The following ANGPT1 variants were observed in gnomAD, a reference collection of about 807,000 sequenced individuals.
The protein encoded by ANGPT1 is angiopoietin-1.
ANGPT1 carries 17 observed loss-of-function variants against 62.2 expected under a neutral mutation model. The ratio of observed to expected loss-of-function variants is 0.27; its 90% CI spans 0.19 to 0.41. The LOEUF is 0.41. Among genes scored for constraint, ANGPT1 ranks in the 10% least tolerant of loss-of-function variants. The pLI is 1.00. For missense variants in ANGPT1, 478 were observed against 594.9 expected, an observed-to-expected ratio of 0.80 and a Z score of 2.04; for synonymous variants, 199 against 198.9, an observed-to-expected ratio of 1.00 and a Z score of 0.00.
intron 1 of ANGPT1, among the ~76,000 whole-genome samples, chr8:107,422,750 C>T (rs1448933119): frequency 2.6e-5 from 4 of 152,126 alleles, no homozygotes; most frequent in East Asian, 1.9e-4. Flanking sequence ...AAACTTTTTA[C>T]TTAACCCAAA....
intron 1 of ANGPT1, among the ~76,000 whole-genome samples, chr8:107,453,341 T>C (rs1416618726): frequency 1.3e-5 from 2 of 152,052 alleles, no homozygotes; most frequent in Non-Finnish European, 2.9e-5. Context: ...TACCTGAGAC[T>C]GGACAATTTA....
At chr8:107,470,477 C>T (rs1022349729) in intron 1 of ANGPT1, among the ~76,000 whole-genome samples, 11 of 88,348 alleles carry the variant, frequency 1.2e-4, no homozygotes, top group African/African-American at 3.9e-4. Context: ...TTTCTATGTT[C>T]ACAAAGGTCT....
intron 1 of ANGPT1, among the ~76,000 whole-genome samples, chr8:107,468,304 C>T (rs574396144): frequency 2.1e-4 from 32 of 151,996 alleles, no homozygotes; most frequent in Non-Finnish European, 4.4e-4. Context: ...GGGGTACTTT[C>T]GTTGCCTTGC....
intron 7 of ANGPT1, among the ~76,000 whole-genome samples, chr8:107,283,317 G>A (rs1265235740): frequency 6.6e-6 from 1 of 151,960 alleles, no homozygotes; most frequent in Non-Finnish European, 1.5e-5. Flanking sequence ...GGTTTCTTGA[G>A]CTGCCATTAA....
At chr8:107,461,134 C>T (rs1273018731) in intron 1 of ANGPT1, among the ~76,000 whole-genome samples, 1 of 152,064 alleles carries the variant, frequency 6.6e-6, no homozygotes, top group Non-Finnish European at 1.5e-5. Flanking sequence ...TCATATTTGT[C>T]ACTATCTTAT....
chr8:107,420,190 A>G (rs954209878), intron 1 of ANGPT1, among the ~76,000 whole-genome samples: 3 of 152,150 alleles, frequency 2.0e-5, no homozygotes, highest in Non-Finnish European at 2.9e-5. Context: ...CCTGAAAACT[A>G]TTTGTATCTA....
At chr8:107,424,505 G>T (rs185005139) in intron 1 of ANGPT1, among the ~76,000 whole-genome samples, 1 of 152,194 alleles carries the variant, frequency 6.6e-6, no homozygotes, top group East Asian at 1.9e-4. Context: ...TTAGTAATCA[G>T]ATTAGCTGAT....
In ANGPT1 at chr8:107,497,408, C is replaced by G. The variant is rs748858241; in HGVS notation, c.151G>C (p.Asp51His). 6.2e-7 allele frequency: 1 copy of G among 1,614,158 alleles called. No individual in the cohort carries two copies. Among genetic ancestry groups the G allele is most frequent in the South Asian group, 1.1e-5 (1 of 91,084 alleles). Residue 51 changes from aspartate to histidine, a missense_variant, in exon 1 of 9, where the codon GAT (aspartate) becomes CAT (histidine). By Grantham distance (81) the Asp-to-His change is moderately conservative (BLOSUM62 -1). Transcript: ENST00000517746. ...CAYTFILPEH[D>H]GNCRESTTDQ... The stretch of plus-strand genomic sequence containing the variant: ...GTCGTACTCTCACGACAGTTGCCAT[C>G]GTGTTCTGGAAGAATGAAAGTGTAG...
chr8:107,280,843 TCAA>T (rs1231825411), intron 7 of ANGPT1, among the ~76,000 whole-genome samples: 1 of 151,938 alleles, frequency 6.6e-6, no homozygotes, highest in African/African-American at 2.4e-5. Context: ...AAAAATCATC[TCAA>T]CAACAGCATG....
chr8:107,305,645 G>A (rs1814697192), intron 4 of ANGPT1, among the ~76,000 whole-genome samples: 1 of 151,918 alleles, frequency 6.6e-6, no homozygotes, highest in Non-Finnish European at 1.5e-5. Flanking sequence ...ACCATCAAAA[G>A]GTACACCTAG....
chr8:107,370,183 GAAAGAAAGAAAA>G (rs746144417), intron 1 of ANGPT1, among the ~76,000 whole-genome samples: 4,431 of 94,870 alleles, frequency 0.047, 289 homozygotes, highest in African/African-American at 0.14. Flanking sequence ...AAAGAAGAAA[GAAAGAAAGAAAA>G]AAAGAAAGAA....
At chr8:107,493,887 T>G (rs1813028870) in intron 1 of ANGPT1, among the ~76,000 whole-genome samples, 1 of 150,336 alleles carries the variant, frequency 6.7e-6, no homozygotes, top group African/African-American at 2.5e-5. Context: ...ATCTTAACTC[T>G]GAAGAAAAGA....
chr8:107,383,580 T>C (rs946764105), intron 1 of ANGPT1, among the ~76,000 whole-genome samples: 1 of 152,174 alleles, frequency 6.6e-6, no homozygotes, highest in African/African-American at 2.4e-5. Context: ...TGAATTACTT[T>C]AGAGGCAGGC....
intron 1 of ANGPT1, among the ~76,000 whole-genome samples, chr8:107,469,885 T>C (rs1368884055): frequency 6.6e-6 from 1 of 152,030 alleles, no homozygotes; most frequent in Non-Finnish European, 1.5e-5. Context: ...GATAACACCA[T>C]CATACCACAT....
At position 107,490,951 on chromosome 8, in the gene ANGPT1, A is replaced by G. The variant is rs530701123; in HGVS notation, c.297+6311T>C. Among the ~76,000 whole-genome samples the G allele has an allele frequency of 3.9e-5, 6 of 152,362 alleles. No individual in the cohort carries two copies. In the East Asian group the frequency reaches 5.8e-4, roughly 15 times the overall value. On this transcript the variant is annotated intron_variant, in intron 1 of 8. Transcript: ENST00000517746. ...GATAGAGAGGATGGAAACTCAGAAT[A>G]TTAATAAAATTTCTGCCATTATGTA...
At chr8:107,354,163 C>T (rs765104490) in intron 1 of ANGPT1, among the ~76,000 whole-genome samples, 13 of 152,120 alleles carry the variant, frequency 8.5e-5, no homozygotes, top group Admixed American at 2.6e-4. Context: ...TTTGCATAAG[C>T]GAATGTCTCC....
chr8:107,307,815 C>T (rs1313816391), intron 4 of ANGPT1, among the ~76,000 whole-genome samples: 1 of 152,002 alleles, frequency 6.6e-6, no homozygotes, highest in East Asian at 1.9e-4. Context: ...TGAGTATTTG[C>T]CTCTCTCTTT....
chr8:107,351,320 A>G (rs927077166), intron 1 of ANGPT1, among the ~76,000 whole-genome samples: 4 of 152,108 alleles, frequency 2.6e-5, no homozygotes, highest in African/African-American at 9.7e-5. Context: ...TCATCCTTAT[A>G]CCAAACTTGC....
chr8:107,337,871 G>T (rs1343853483), intron 2 of ANGPT1, among the ~76,000 whole-genome samples: 2 of 152,092 alleles, frequency 1.3e-5, no homozygotes, highest in African/African-American at 4.8e-5. Context: ...GTAGCAGGTG[G>T]CTTGCTTGAG....
Sources: gnomAD v4.1 joint callset for allele counts (sites outside exome capture counted in the v4.1 genomes callset) on GRCh38, gnomAD v4.1.1 for gene constraint, MANE v1.5 for transcripts, NCBI Gene and HGNC (gene_info 2026-07-23, HGNC 2026-07-21) for gene names.